Variants in DACH2 observed in about 807,000 individuals in gnomAD.
DACH2 encodes the protein dachshund family transcription factor 2.
In DACH2, 17 loss-of-function variants were observed where a neutral mutation model predicts 35.8. That is an observed-to-expected ratio of 0.48 (90% confidence interval 0.33 to 0.71). The LOEUF (loss-of-function observed/expected upper bound fraction) is 0.71, where lower values mean the gene tolerates loss of function less well. Ranked by LOEUF, DACH2 falls within the 30% of genes least tolerant of loss-of-function variation. The pLI is 0.02. For missense variants in DACH2, 469 were observed against 472.7 expected (o/e 0.99, Z 0.07); for synonymous variants, 195 against 177.3 (o/e 1.10, Z -0.79).
intron 1 of DACH2, among the ~76,000 whole-genome samples, chrX:86,358,141 T>A (rs1298689309): frequency 9.0e-6 from 1 of 111,606 alleles, no homozygotes; most frequent in African/African-American, 3.3e-5. Flanking sequence ...ATATTATAAT[T>A]TGAGCAAGCT....
intron 4 of DACH2, among the ~76,000 whole-genome samples, chrX:86,664,089 TTCCC>T (rs1016433774): frequency 8.9e-6 from 1 of 111,796 alleles, no homozygotes; most frequent in African/African-American, 3.2e-5. Context: ...ACAAATGCTA[TTCCC>T]TTCTTACTTT....
At chrX:86,443,469 G>T (rs1490205555) in intron 2 of DACH2, among the ~76,000 whole-genome samples, 2 of 108,734 alleles carry the variant, frequency 1.8e-5, no homozygotes, top group Admixed American at 9.9e-5. Flanking sequence ...CTGCAAACAT[G>T]GACAGTTTAA....
At chrX:86,308,074 A>G (rs2034724109) in intron 1 of DACH2, among the ~76,000 whole-genome samples, 1 of 112,359 alleles carries the variant, frequency 8.9e-6, no homozygotes, top group African/African-American at 3.2e-5. Flanking sequence ...GAAGGGATCC[A>G]AAGGCTTAGG....
At chrX:86,708,909 T>C (rs887494203) in intron 5 of DACH2, among the ~76,000 whole-genome samples, 2 of 111,326 alleles carry the variant, frequency 1.8e-5, no homozygotes, top group Non-Finnish European at 3.8e-5. Context: ...TCCAGGAATA[T>C]ATAAATAAAT....
At chrX:86,456,629 T>C (rs1373046445) in intron 2 of DACH2, among the ~76,000 whole-genome samples, 1 of 111,718 alleles carries the variant, frequency 9.0e-6, no homozygotes, top group Non-Finnish European at 1.9e-5. Flanking sequence ...AGAAAATTTT[T>C]AAAAATTATT....
chrX:86,434,190 A>AT (rs1197497330), intron 2 of DACH2, among the ~76,000 whole-genome samples: 3 of 111,771 alleles, frequency 2.7e-5, no homozygotes, highest in Non-Finnish European at 5.6e-5. Context: ...GCCGACTTTT[A>AT]TTTTTTTATT....
chrX:86,751,716 G>A (rs748375737), intron 7 of DACH2, among the ~76,000 whole-genome samples: 1 of 110,784 alleles, frequency 9.0e-6, no homozygotes, highest in African/African-American at 3.3e-5. Flanking sequence ...CAGGCAGGAA[G>A]GAAGGAAATA....
chrX:86,681,992 A>C (rs969594927), intron 4 of DACH2, among the ~76,000 whole-genome samples: 1 of 111,110 alleles, frequency 9.0e-6, no homozygotes, highest in Non-Finnish European at 1.9e-5. Flanking sequence ...AGACAGAGAA[A>C]ACACTACCCA....
intron 3 of DACH2, among the ~76,000 whole-genome samples, chrX:86,595,324 G>T (rs1007592298): frequency 9.0e-6 from 1 of 110,812 alleles, no homozygotes; most frequent in Non-Finnish European, 1.9e-5. Context: ...TTTTGCTCAA[G>T]CTGTTCTCAA....
chrX:86,339,198 C>T (rs1011817036), intron 1 of DACH2, among the ~76,000 whole-genome samples: 4 of 111,562 alleles, frequency 3.6e-5, no homozygotes, highest in Non-Finnish European at 3.8e-5. Context: ...TTTATACCTG[C>T]CACAATATAA....
intron 1 of DACH2, among the ~76,000 whole-genome samples, chrX:86,273,718 T>G (rs966720457): frequency 8.9e-6 from 1 of 112,172 alleles, no homozygotes; most frequent in African/African-American, 3.2e-5. Flanking sequence ...TTGTGGGGAA[T>G]AAAAATCATT....
At chrX:86,700,554 T>A (rs1214084464) in intron 5 of DACH2, among the ~76,000 whole-genome samples, 2 of 109,618 alleles carry the variant, frequency 1.8e-5, no homozygotes, top group Admixed American at 9.8e-5. Context: ...AAGGAATCCA[T>A]GATTTTGTTC....
At chrX:86,397,705 C>A (rs749065002) in intron 2 of DACH2, among the ~76,000 whole-genome samples, 286 of 111,418 alleles carry the variant, frequency 2.6e-3, no homozygotes, top group African/African-American at 8.9e-3. Context: ...ATTGATTTTC[C>A]TATGTTGAAC....
chrX:86,295,189 C>A (rs1052862048), intron 1 of DACH2, among the ~76,000 whole-genome samples: 22 of 106,909 alleles, frequency 2.1e-4, no homozygotes, highest in Non-Finnish European at 3.7e-4. Flanking sequence ...TTCCAGGTGC[C>A]GTCTGTCACC....
chrX:86,262,343 A>G (rs1226707208), intron 1 of DACH2, among the ~76,000 whole-genome samples: 2 of 111,786 alleles, frequency 1.8e-5, no homozygotes, highest in Non-Finnish European at 3.8e-5. Context: ...TAAGGACAGG[A>G]GAGGGTGCTG....
intron 7 of DACH2, among the ~76,000 whole-genome samples, chrX:86,740,938 C>G (rs1486605511): frequency 1.8e-5 from 2 of 111,370 alleles, no homozygotes; most frequent in African/African-American, 6.5e-5. Flanking sequence ...CAGGTACATT[C>G]AGCTGTAACA....
chrX:86,460,839 TA>T (rs2037559619), intron 2 of DACH2, among the ~76,000 whole-genome samples: 1 of 110,658 alleles, frequency 9.0e-6, no homozygotes, highest in Non-Finnish European at 1.9e-5. Context: ...AATTCATATG[TA>T]AAATTAAAAA....
At chrX:86,222,183 C>T (rs751545701) in intron 1 of DACH2, among the ~76,000 whole-genome samples, 3 of 111,810 alleles carry the variant, frequency 2.7e-5, no homozygotes, top group African/African-American at 9.8e-5. Context: ...TTGCTGTACA[C>T]GAAAATAATA....
intron 2 of DACH2, among the ~76,000 whole-genome samples, chrX:86,394,220 G>T (rs1306532449): frequency 9.1e-6 from 1 of 109,808 alleles, no homozygotes; most frequent in Admixed American, 9.8e-5. Context: ...ATTAGGGTAA[G>T]ACTCTGGCTT....
Sources: allele counts gnomAD v4.1 joint callset (sites outside exome capture counted in the v4.1 genomes callset), GRCh38; gene constraint gnomAD v4.1.1; transcripts MANE v1.5; gene names NCBI Gene and HGNC (gene_info 2026-07-23, HGNC 2026-07-21).